Variants in CTNNA3 observed in about 807,000 individuals in gnomAD.
CTNNA3 encodes the protein catenin alpha-3.
Under a neutral mutation model 95.7 loss-of-function variants are expected in CTNNA3, and 76 were observed. That is an observed-to-expected ratio of 0.79 (90% CI 0.66 to 0.96). The LOEUF is 0.96. CTNNA3 is among the 40% of genes least tolerant of loss of function. The pLI, the probability that CTNNA3 is intolerant of heterozygous loss-of-function variation, is 0.00. For synonymous variants in CTNNA3, 431 were observed against 374.4 expected (o/e 1.15, Z -1.74); for missense variants, 1,191 against 1,089.8 (o/e 1.09, Z -1.31).
chr10:66,907,031 AT>A (rs1337005745), intron 7 of CTNNA3, among the ~76,000 whole-genome samples: 1 of 152,164 alleles, frequency 6.6e-6, no homozygotes. Context: ...ATACAAAAAA[AT>A]CCTACTGAGG....
intron 5 of CTNNA3, among the ~76,000 whole-genome samples, chr10:67,480,141 C>A (rs551131008): frequency 6.6e-6 from 1 of 151,730 alleles, no homozygotes; most frequent in Admixed American, 6.6e-5. Context: ...AATTTACAGT[C>A]AAAATTCCAC....
At chr10:67,676,747 G>A (rs1840541862) in intron 1 of CTNNA3, among the ~76,000 whole-genome samples, 2 of 152,168 alleles carry the variant, frequency 1.3e-5, no homozygotes, top group South Asian at 4.1e-4. Flanking sequence ...GATCCAGTGA[G>A]AGGCCACAAT....
At chr10:66,899,641 TC>T (rs1564751750) in intron 7 of CTNNA3, among the ~76,000 whole-genome samples, 1 of 151,872 alleles carries the variant, frequency 6.6e-6, no homozygotes, top group African/African-American at 2.4e-5. Context: ...ACGGTACACT[TC>T]CCCCCAAATA....
At chr10:66,237,402 G>A (rs2089907062) in intron 13 of CTNNA3, among the ~76,000 whole-genome samples, 1 of 152,090 alleles carries the variant, frequency 6.6e-6, no homozygotes, top group South Asian at 2.1e-4. Flanking sequence ...TCAAGCAATG[G>A]CTTTACATGA....
chr10:67,189,651 T>C (rs1863030878), intron 6 of CTNNA3, among the ~76,000 whole-genome samples: 1 of 152,030 alleles, frequency 6.6e-6, no homozygotes, highest in African/African-American at 2.4e-5. Context: ...GATGTGATCT[T>C]ATCCAGATTT....
intron 7 of CTNNA3, among the ~76,000 whole-genome samples, chr10:67,107,063 T>C (rs898920099): frequency 6.6e-6 from 1 of 152,180 alleles, no homozygotes; most frequent in African/African-American, 2.4e-5. Context: ...AAGTGATAAA[T>C]GACATAGAAC....
At chr10:66,484,185 G>A (rs975549855) in intron 11 of CTNNA3, among the ~76,000 whole-genome samples, 4 of 148,860 alleles carry the variant, frequency 2.7e-5, no homozygotes, top group Admixed American at 1.3e-4. Flanking sequence ...CCAAAATTTT[G>A]TGTTCTTATA....
chr10:67,075,587 ACAAAG>A (rs1856708175), intron 7 of CTNNA3, among the ~76,000 whole-genome samples: 1 of 152,218 alleles, frequency 6.6e-6, no homozygotes, highest in Non-Finnish European at 1.5e-5. Flanking sequence ...TAAGATATAG[ACAAAG>A]TGCTCCAGTC....
At chr10:66,559,751 A>T (rs1313767925) in intron 10 of CTNNA3, among the ~76,000 whole-genome samples, 1 of 151,988 alleles carries the variant, frequency 6.6e-6, no homozygotes, top group Non-Finnish European at 1.5e-5. Context: ...AGTTTAAACC[A>T]CCAATTCCTC....
intron 1 of CTNNA3, among the ~76,000 whole-genome samples, chr10:67,728,049 T>C (rs1377349002): frequency 7.1e-6 from 1 of 141,488 alleles, no homozygotes. Context: ...ATTATAATTA[T>C]ATATAATTAT....
chr10:67,689,754 C>T (rs1007565475), intron 1 of CTNNA3, among the ~76,000 whole-genome samples: 9 of 152,114 alleles, frequency 5.9e-5, no homozygotes, highest in Non-Finnish European at 1.0e-4. Flanking sequence ...ATTCCCAACT[C>T]CATAGAGTCA....
chr10:67,035,298 G>A (rs1011656414), intron 7 of CTNNA3, among the ~76,000 whole-genome samples: 24 of 152,114 alleles, frequency 1.6e-4, no homozygotes, highest in African/African-American at 5.6e-4. Flanking sequence ...CTTAAGAATT[G>A]CATATAACAT....
At chr10:66,512,739 C>T (rs1840705321) in intron 11 of CTNNA3, among the ~76,000 whole-genome samples, 2 of 152,156 alleles carry the variant, frequency 1.3e-5, no homozygotes, top group Middle Eastern at 3.4e-3. Flanking sequence ...AATTTTATGT[C>T]TCCTTCATTT....
chr10:67,593,580 A>T (rs1242377025), intron 3 of CTNNA3, among the ~76,000 whole-genome samples: 1 of 152,130 alleles, frequency 6.6e-6, no homozygotes, highest in African/African-American at 2.4e-5. Context: ...CTGTATAGAA[A>T]TGCTGGTGAT....
chr10:66,621,511 C>T (rs1844745727), intron 10 of CTNNA3, among the ~76,000 whole-genome samples, 181 bp downstream of exon 10: 1 of 151,112 alleles, frequency 6.6e-6, no homozygotes, highest in Admixed American at 6.6e-5. Flanking sequence ...GTAATCCCAG[C>T]TACTCAGGAA....
intron 3 of CTNNA3, among the ~76,000 whole-genome samples, chr10:67,554,162 T>A (rs1218894287): frequency 1.3e-5 from 2 of 152,236 alleles, no homozygotes; most frequent in African/African-American, 4.8e-5. Context: ...TCTATCATTG[T>A]TGGACATTTG....
At chr10:66,464,919 C>T (rs1017227715) in intron 11 of CTNNA3, among the ~76,000 whole-genome samples, 2 of 151,978 alleles carry the variant, frequency 1.3e-5, no homozygotes, top group African/African-American at 4.8e-5. Flanking sequence ...TAAACATAAG[C>T]TCTCTATTCA....
chr10:66,622,008 T>G (rs1269671729), intron 9 of CTNNA3, among the ~76,000 whole-genome samples: 1 of 152,138 alleles, frequency 6.6e-6, no homozygotes, highest in African/African-American at 2.4e-5. Flanking sequence ...GAGAGACTAG[T>G]GAGAGAATCA....
intron 14 of CTNNA3, among the ~76,000 whole-genome samples, chr10:66,077,038 T>TA (rs1308316850): frequency 1.3e-5 from 2 of 151,820 alleles, no homozygotes; most frequent in Admixed American, 1.3e-4. Flanking sequence ...AATCTGTGTA[T>TA]AAACTGAGTA....
Sources: gnomAD v4.1 joint callset for allele counts (sites outside exome capture counted in the v4.1 genomes callset) on GRCh38, gnomAD v4.1.1 for gene constraint, MANE v1.5 for transcripts, NCBI Gene and HGNC (gene_info 2026-07-23, HGNC 2026-07-21) for gene names.